The following PSAT1 variants were observed in gnomAD, a reference collection of about 807,000 sequenced individuals.
The protein encoded by PSAT1 is phosphoserine aminotransferase.
In PSAT1, 41 loss-of-function variants were observed where a neutral mutation model predicts 40.3. The observed-to-expected ratio is 1.02, with a 90% CI of 0.79 to 1.32. The LOEUF (loss-of-function observed/expected upper bound fraction) is 1.32, where lower values mean the gene tolerates loss of function less well. PSAT1 is among the 40% of genes most tolerant of loss of function. PSAT1 has a pLI of 0.00. For missense variants in PSAT1, 406 were observed against 455.8 expected, an observed-to-expected ratio of 0.89 and a Z score of 0.99; for synonymous variants, 147 against 170.5, an observed-to-expected ratio of 0.86 and a Z score of 1.07.
rs753386884 is a variant in PSAT1, at chr9:78,297,278, C to T, written c.60+8C>T. On this transcript the variant is annotated splice_region_variant and intron_variant, in intron 1 of 8. Coordinates refer to ENST00000376588, the MANE Select transcript of PSAT1 (RefSeq NM_058179.4). The stretch of plus-strand genomic sequence containing the variant: ...GCCAAGCTGCCGCACTCAGTAAGTC[C>T]CCGCGAGCGGGCGCCGGGAGTGAGG... 6.3e-7 allele frequency: 1 copy of T among 1,597,124 alleles called. No individual in the cohort carries two copies. Among genetic ancestry groups the T allele is most frequent in the Admixed American group, 1.7e-5 (1 of 59,182 alleles).
At chr9:78,325,738 C>A (rs1439528519) in intron 7 of PSAT1, among the ~76,000 whole-genome samples, 1 of 152,166 alleles carries the variant, frequency 6.6e-6, no homozygotes, top group Admixed American at 6.5e-5. Context: ...TTTTCTCCCC[C>A]CAGCCCCATA....
At chr9:78,306,261 A>T in intron 4 of PSAT1, 53 bp from the exon 5 acceptor site, 1 of 1,591,896 alleles carries the variant, frequency 6.3e-7, no homozygotes, top group Non-Finnish European at 8.6e-7. Flanking sequence ...CCATCTATGT[A>T]AGGAAAGAGG....
At chr9:78,312,985 G>A (rs1828289586) in intron 6 of PSAT1, among the ~76,000 whole-genome samples, 1 of 152,192 alleles carries the variant, frequency 6.6e-6, no homozygotes, top group Admixed American at 6.5e-5. Flanking sequence ...CAGCCAGGGA[G>A]AGTTTTCCAG....
At chr9:78,305,218 G>A (rs758193375) in intron 4 of PSAT1, among the ~76,000 whole-genome samples, 9 of 152,122 alleles carry the variant, frequency 5.9e-5, no homozygotes, top group South Asian at 2.1e-4. Flanking sequence ...AGGTTCAGGC[G>A]ATTCTCCTGC....
At chr9:78,313,235 G>A (rs1450041997) in intron 6 of PSAT1, among the ~76,000 whole-genome samples, 3 of 152,054 alleles carry the variant, frequency 2.0e-5, no homozygotes, top group African/African-American at 4.8e-5. Flanking sequence ...GCGTAGTGGC[G>A]TGCACCTGTA....
chr9:78,299,514 C>CTTTTTTT (rs57722137), intron 1 of PSAT1, among the ~76,000 whole-genome samples: 14 of 118,500 alleles, frequency 1.2e-4, no homozygotes, highest in South Asian at 3.0e-4. Context: ...TAATCTAATT[C>CTTTTTTT]TTTTTTTTTT....
chr9:78,298,343 T>C, intron 1 of PSAT1: 3 of 982,710 alleles, frequency 3.1e-6, no homozygotes, highest in Non-Finnish European at 3.6e-6. Flanking sequence ...TTTACAATTA[T>C]CAATTGTTGA....
At chr9:78,324,494 G>A (rs771393391) in intron 7 of PSAT1, among the ~76,000 whole-genome samples, 1 of 151,956 alleles carries the variant, frequency 6.6e-6, no homozygotes, top group Non-Finnish European at 1.5e-5. Context: ...TCCTACCTCG[G>A]CCCTCAACCC....
At chr9:78,305,027 C>T (rs1250050990) in intron 4 of PSAT1, 87 bp downstream of exon 4, 1 of 1,211,438 alleles carries the variant, frequency 8.3e-7, no homozygotes. Flanking sequence ...CAATTATTTT[C>T]TCCCCTTGAC....
rs758043483 is a variant in PSAT1 at position 78,304,982 on chromosome 9, G to T, written c.397+42G>T. The stretch of plus-strand genomic sequence containing the variant: ...GAGCTGGGTGGTGACGTGCTCAATG[G>T]TGGGTTACCCCGACCCAGGGCAATC... On this transcript the variant is annotated intron_variant, in intron 4 of 8. Coordinates refer to ENST00000376588, the MANE Select transcript of PSAT1 (RefSeq NM_058179.4). 8.2e-6 allele frequency: 13 copies of T among 1,586,888 alleles called. No individual in the cohort carries two copies. The South Asian group carries it at 1.2e-4, about 15-fold the overall frequency.
At chr9:78,316,464 C>T (rs1031255514) in intron 6 of PSAT1, among the ~76,000 whole-genome samples, 3 of 152,130 alleles carry the variant, frequency 2.0e-5, no homozygotes, top group Non-Finnish European at 4.4e-5. Context: ...TCTCCTGTCT[C>T]ACAGTTGCAC....
chr9:78,326,955 A>ATATATATATATTTTTTTT, intron 7 of PSAT1, among the ~76,000 whole-genome samples: 5 of 75,964 alleles, frequency 6.6e-5, no homozygotes, highest in African/African-American at 3.8e-4. Flanking sequence ...ATATATATAT[A>ATATATATATATTTTTTTT]TTTTTTTTTT....
chr9:78,310,158 G>C (rs1828245188), intron 6 of PSAT1, among the ~76,000 whole-genome samples: 1 of 152,148 alleles, frequency 6.6e-6, no homozygotes, highest in South Asian at 2.1e-4. Context: ...GATGCAGAAT[G>C]GTGATGCTTT....
At chr9:78,306,777 G>A (rs1489282069) in intron 5 of PSAT1, among the ~76,000 whole-genome samples, 3 of 152,214 alleles carry the variant, frequency 2.0e-5, no homozygotes, top group Admixed American at 6.5e-5. Context: ...GTCAACAGAC[G>A]GGGAGAGACT....
chr9:78,325,696 A>G (rs567912372), intron 7 of PSAT1, among the ~76,000 whole-genome samples: 1 of 152,174 alleles, frequency 6.6e-6, no homozygotes, highest in African/African-American at 2.4e-5. Flanking sequence ...ATCTCTCTGT[A>G]GATTGGAAGC....
rs190164317 is a variant in PSAT1 at position 78,308,569 on chromosome 9, G to T, written c.726G>T (p.Thr242=). The change falls in exon 6 of 9, where the codon ACG becomes ACT. Residue 242 remains threonine (T), a synonymous_variant. Coordinates refer to ENST00000376588, the MANE Select transcript of PSAT1 (RefSeq NM_058179.4). ...CTGGAAACAGCTCCTTGTACAACAC[G>T]CCTCCATGTTTCAGGTAACTCTGGG... is the stretch of plus-strand genomic sequence containing the variant. ...VQAGNSSLYN[T]PPCFSIYVMG... The T allele has an allele frequency of 3.1e-6, 5 of 1,613,992 alleles. No homozygotes were observed. The highest frequency in any genetic ancestry group is 3.4e-6 in the Non-Finnish European group (4 of 1,180,014).
chr9:78,300,145 G>A (rs999922086), intron 1 of PSAT1, among the ~76,000 whole-genome samples: 4 of 152,132 alleles, frequency 2.6e-5, no homozygotes, highest in Admixed American at 6.6e-5. Flanking sequence ...CTTATTCACA[G>A]CAGGCTCTTC....
At chr9:78,316,089 CCTT>C (rs1828339167) in intron 6 of PSAT1, among the ~76,000 whole-genome samples, 1 of 152,158 alleles carries the variant, frequency 6.6e-6, no homozygotes, top group African/African-American at 2.4e-5. Flanking sequence ...GCCTTTAGCA[CCTT>C]CTTAAGGAGA....
chr9:78,317,999 C>G (rs1216046194), intron 7 of PSAT1, among the ~76,000 whole-genome samples, 195 bp downstream of exon 7: 2 of 152,094 alleles, frequency 1.3e-5, no homozygotes, highest in Non-Finnish European at 2.9e-5. Flanking sequence ...CCCTGGGGCT[C>G]TCAGGCTTTG....
Sources: gnomAD v4.1 joint callset for allele counts (sites outside exome capture counted in the v4.1 genomes callset) on GRCh38, gnomAD v4.1.1 for gene constraint, MANE v1.5 for transcripts, NCBI Gene and HGNC (gene_info 2026-07-23, HGNC 2026-07-21) for gene names.